SOBP: variants seen among roughly 807,000 people sequenced by gnomAD.
The protein encoded by SOBP is sine oculis-binding protein homolog.
Under a neutral mutation model 53.6 loss-of-function variants are expected in SOBP, and 4 were observed. That is an observed-to-expected ratio of 0.07 (90% CI 0.04 to 0.17). The LOEUF (loss-of-function observed/expected upper bound fraction) is 0.17, where lower values mean the gene tolerates loss of function less well. Among genes scored for constraint, SOBP ranks in the 10% least tolerant of loss-of-function variants. The pLI, the probability that SOBP is intolerant of heterozygous loss-of-function variation, is 1.00. For synonymous variants in SOBP, 584 were observed against 522.6 expected (o/e 1.12, Z -1.60); for missense variants, 1,088 against 1,204.7 (o/e 0.90, Z 1.43).
At chr6:107,508,802 C>CTA (rs1783074339) in intron 3 of SOBP, among the ~76,000 whole-genome samples, 2 of 151,960 alleles carry the variant, frequency 1.3e-5, no homozygotes, top group Non-Finnish European at 2.9e-5. Flanking sequence ...ACATATTTTA[C>CTA]GTAGGCCAAG....
intron 4 of SOBP, among the ~76,000 whole-genome samples, chr6:107,547,310 C>T (rs984217086): frequency 6.6e-6 from 1 of 152,160 alleles, no homozygotes; most frequent in East Asian, 1.9e-4. Flanking sequence ...GTAGGGGGCT[C>T]ATTGTGTTAC....
At chr6:107,541,610 C>T (rs888167594) in intron 4 of SOBP, among the ~76,000 whole-genome samples, 24 of 152,320 alleles carry the variant, frequency 1.6e-4, no homozygotes, top group Admixed American at 1.3e-3. Context: ...TGCAAATTTT[C>T]ACTGGCCTTT....
At chr6:107,533,661 A>C in intron 4 of SOBP, 51 bp downstream of exon 4, 1 of 1,610,314 alleles carries the variant, frequency 6.2e-7, no homozygotes. Context: ...ACCAGCCCAC[A>C]CGCGCATGTG....
chr6:107,624,720 G>A (rs1429548524), intron 5 of SOBP, among the ~76,000 whole-genome samples: 1 of 152,208 alleles, frequency 6.6e-6, no homozygotes, highest in Non-Finnish European at 1.5e-5. Context: ...TGGCTGTGTA[G>A]ATGGGTATGA....
intron 5 of SOBP, among the ~76,000 whole-genome samples, chr6:107,616,666 T>C (rs1786803040): frequency 6.6e-6 from 1 of 152,200 alleles, no homozygotes; most frequent in Admixed American, 6.5e-5. Flanking sequence ...ATTCTTAAAT[T>C]GAAAGCAAAT....
chr6:107,501,463 A>T (rs942803820), intron 1 of SOBP, among the ~76,000 whole-genome samples: 5 of 152,208 alleles, frequency 3.3e-5, no homozygotes, highest in African/African-American at 1.2e-4. Flanking sequence ...CCGGTCTATA[A>T]AACTGGATAT....
At chr6:107,630,266 A>G (rs1583289726) in intron 5 of SOBP, among the ~76,000 whole-genome samples, 1 of 152,382 alleles carries the variant, frequency 6.6e-6, no homozygotes, top group East Asian at 1.9e-4. Flanking sequence ...AGAAAGTTAA[A>G]AAGTGAAATA....
intron 5 of SOBP, among the ~76,000 whole-genome samples, chr6:107,599,963 G>T (rs1786116474): frequency 6.6e-6 from 1 of 152,186 alleles, no homozygotes; most frequent in South Asian, 2.1e-4. Context: ...CCCTTGATTA[G>T]AGCTCCTCTT....
intron 5 of SOBP, among the ~76,000 whole-genome samples, chr6:107,613,137 T>C (rs928497173): frequency 6.6e-6 from 1 of 152,240 alleles, no homozygotes; most frequent in African/African-American, 2.4e-5. Context: ...CCCTGAAGTT[T>C]CCAGAGACCA....
chr6:107,549,175 G>A (rs889305870), intron 4 of SOBP, among the ~76,000 whole-genome samples: 1 of 152,062 alleles, frequency 6.6e-6, no homozygotes, highest in Non-Finnish European at 1.5e-5. Flanking sequence ...GCTGAGGCAG[G>A]AGAATGGCAT....
Position 107,622,029 on chromosome 6 carries a change from G to GT in SOBP, c.670-11484dup, listed in dbSNP as rs371452762. Among the ~76,000 whole-genome samples the GT allele has an allele frequency of 2.6e-3, 399 of 152,324 alleles. 1 individual carries two copies. The highest frequency in any genetic ancestry group is 4.6e-3 in the Non-Finnish European group (313 of 68,028). On this transcript the variant is annotated intron_variant, in intron 5 of 6. Transcript: ENST00000317357. Reference sequence around the variant, plus strand: ...ACAGATTTAACAGAATAAAGGGTAAGTAAGAGTAGAGTATAGGTAAAACAG... The same window carrying GT: ...ACAGATTTAACAGAATAAAGGGTAAGTTAAGAGTAGAGTATAGGTAAAACAG...
At chr6:107,587,354 A>G (rs148211868) in intron 5 of SOBP, 179 bp downstream of exon 5, 9 of 629,048 alleles carry the variant, frequency 1.4e-5, no homozygotes, top group Non-Finnish European at 2.2e-5. Flanking sequence ...ATTGTTTGCA[A>G]ATCTTTTATA....
intron 3 of SOBP, among the ~76,000 whole-genome samples, chr6:107,528,780 A>G (rs1214274165): frequency 6.6e-6 from 1 of 152,210 alleles, no homozygotes; most frequent in Non-Finnish European, 1.5e-5. Context: ...AGGATGGTTT[A>G]TAATCTTACT....
chr6:107,540,987 T>C (rs1784132698), intron 4 of SOBP, among the ~76,000 whole-genome samples: 1 of 152,250 alleles, frequency 6.6e-6, no homozygotes. Context: ...TCAAGAATTA[T>C]ATTTGTTCTA....
chr6:107,525,932 C>G (rs2114977488), intron 3 of SOBP, among the ~76,000 whole-genome samples: 1 of 152,238 alleles, frequency 6.6e-6, no homozygotes, highest in South Asian at 2.1e-4. Context: ...CTTAACACAT[C>G]TTTGATCCTG....
intron 5 of SOBP, among the ~76,000 whole-genome samples, chr6:107,610,821 C>T (rs1265426567): frequency 6.6e-6 from 1 of 151,802 alleles, no homozygotes; most frequent in Non-Finnish European, 1.5e-5. Context: ...CACACACACA[C>T]ACATACACAC....
At chr6:107,535,348 G>A (rs1314749226) in intron 4 of SOBP, among the ~76,000 whole-genome samples, 1 of 152,160 alleles carries the variant, frequency 6.6e-6, no homozygotes, top group East Asian at 1.9e-4. Context: ...ATAACTGGGA[G>A]CGAGGATAGG....
intron 5 of SOBP, among the ~76,000 whole-genome samples, chr6:107,618,720 C>G (rs1191424988): frequency 6.6e-6 from 1 of 152,208 alleles, no homozygotes; most frequent in Non-Finnish European, 1.5e-5. Context: ...TGGCCCCTTT[C>G]TCATGTAATG....
At chr6:107,512,319 C>G (rs1029088613) in intron 3 of SOBP, among the ~76,000 whole-genome samples, 4 of 152,142 alleles carry the variant, frequency 2.6e-5, no homozygotes, top group Admixed American at 2.0e-4. Flanking sequence ...GGGTTCAACC[C>G]TTTGAGACTT....
Sources: gnomAD v4.1 joint callset for allele counts (sites outside exome capture counted in the v4.1 genomes callset) on GRCh38, gnomAD v4.1.1 for gene constraint, MANE v1.5 for transcripts, NCBI Gene and HGNC (gene_info 2026-07-23, HGNC 2026-07-21) for gene names.